Variants in RALGPS1 observed in about 807,000 individuals in gnomAD.
RALGPS1 encodes the protein Ral GEF with PH domain and SH3 binding motif 1, also known as ras-specific guanine nucleotide-releasing factor RalGPS1.
Under a neutral mutation model 78.8 loss-of-function variants are expected in RALGPS1, and 19 were observed. That is an observed-to-expected ratio of 0.24 (90% confidence interval 0.17 to 0.35). The LOEUF is 0.35. Among genes scored for constraint, RALGPS1 ranks in the 10% least tolerant of loss-of-function variants. The probability of loss-of-function intolerance (pLI) is 1.00; values close to 1 mark genes in which losing one functional copy is unlikely to be tolerated. For missense variants in RALGPS1, 454 were observed against 688.3 expected (o/e 0.66, Z 3.81); for synonymous variants, 228 against 256.3 (o/e 0.89, Z 1.06).
chr9:127,089,245 A>G (rs975489672), intron 8 of RALGPS1: 20 of 1,221,916 alleles, frequency 1.6e-5, no homozygotes, highest in Middle Eastern at 2.7e-4. Flanking sequence ...CATCTGGAGC[A>G]AGAACGCTTG....
Position 127,204,595 on chromosome 9 carries a change from G to A in RALGPS1, c.1247+5529G>A, listed in dbSNP as rs189679715. On this transcript the variant is annotated intron_variant, in intron 14 of 18. Coordinates refer to ENST00000259351, the MANE Select transcript of RALGPS1 (RefSeq NM_014636.3). ...TTCTACCAGCACCTGCTGGCCTCCA[G>A]GATGACACTGGACTGTGGGAGGGCC... Among the ~76,000 whole-genome samples the A allele has an allele frequency of 6.5e-4, 99 of 152,334 alleles. No individual in the cohort carries two copies. The Middle Eastern group carries it at 0.01, about 16-fold the overall frequency.
At chr9:127,180,181 G>A (rs2060128122) in intron 11 of RALGPS1, among the ~76,000 whole-genome samples, 2 of 152,216 alleles carry the variant, frequency 1.3e-5, no homozygotes, top group African/African-American at 4.8e-5. Flanking sequence ...TTGACCCCCA[G>A]AGAGGGCAAG....
At chr9:126,968,587 T>C (rs2039767436) in intron 3 of RALGPS1, among the ~76,000 whole-genome samples, 1 of 152,198 alleles carries the variant, frequency 6.6e-6, no homozygotes, top group Non-Finnish European at 1.5e-5. Context: ...TTAGGTATAA[T>C]TATTATTCCC....
At chr9:126,936,055 C>G (rs143204323) in intron 1 of RALGPS1, among the ~76,000 whole-genome samples, 128 of 152,330 alleles carry the variant, frequency 8.4e-4, no homozygotes, top group Middle Eastern at 6.8e-3. Context: ...GAATCTGTTT[C>G]CATTCCTCTT....
rs545342477 is a variant in RALGPS1, at chr9:126,986,269, C to T, written c.216+8524C>T. ...ATAACTGCCCTGTCCCCTGGTGACT[C>T]TAACGAGTGACCAAGTTTATCAAAA... On this transcript the variant is annotated intron_variant, in intron 4 of 18. Transcript: ENST00000259351. 4.6e-5 allele frequency among the ~76,000 whole-genome samples: 7 copies of T among 152,290 alleles called. No homozygotes were observed. The South Asian group carries it at 1.5e-3, about 32-fold the overall frequency.
At chr9:127,199,681 C>T (rs2061526350) in intron 14 of RALGPS1, among the ~76,000 whole-genome samples, 1 of 152,148 alleles carries the variant, frequency 6.6e-6, no homozygotes, top group Non-Finnish European at 1.5e-5. Context: ...ATTCCCATCG[C>T]ACAGCTCCAC....
At chr9:126,979,135 C>T (rs890012041) in intron 4 of RALGPS1, among the ~76,000 whole-genome samples, 3 of 152,114 alleles carry the variant, frequency 2.0e-5, no homozygotes, top group Admixed American at 6.5e-5. Flanking sequence ...TCAAGCCTTC[C>T]GAGAGCTGGC....
chr9:127,062,188 C>T (rs996261450), intron 7 of RALGPS1, among the ~76,000 whole-genome samples: 1 of 152,106 alleles, frequency 6.6e-6, no homozygotes, highest in Non-Finnish European at 1.5e-5. Context: ...AGCTCCGCCT[C>T]CCAGGTTCAC....
chr9:127,108,514 G>A (rs751341938), intron 8 of RALGPS1: 1 of 1,612,930 alleles, frequency 6.2e-7, no homozygotes, highest in South Asian at 1.1e-5. Context: ...AGGCTCCTTG[G>A]AGTTGACGCA....
rs1161162957 is a variant in RALGPS1, at chr9:127,166,173, A to C, written c.715A>C (p.Ile239Leu). The change falls in exon 9 of 19, where the codon ATA becomes CTA. Residue 239 changes from isoleucine to leucine, a missense_variant. Physicochemically the swap from Ile to Leu is conservative, Grantham distance 5 (BLOSUM62 2). Coordinates refer to ENST00000259351, the MANE Select transcript of RALGPS1 (RefSeq NM_014636.3). The part of the protein sequence containing the change: ...RSNQMNNILR[I>L]IADLQVSCSY... ...CAATCAGATGAACAATATTCTTCGA[A>C]TAATTGCTGATTTACAAGTTTCCTG... 6.2e-7 allele frequency: 1 copy of C among 1,613,642 alleles called. No individual in the cohort carries two copies. The highest frequency in any genetic ancestry group is 1.3e-5 in the African/African-American group (1 of 74,902).
chr9:127,058,376 T>G (rs2048920987), intron 7 of RALGPS1, among the ~76,000 whole-genome samples: 1 of 152,174 alleles, frequency 6.6e-6, no homozygotes, highest in African/African-American at 2.4e-5. Flanking sequence ...CTGTTGCTAC[T>G]GTGTGGAAAA....
At chr9:127,092,131 T>C (rs2052562688) in intron 8 of RALGPS1, among the ~76,000 whole-genome samples, 1 of 152,168 alleles carries the variant, frequency 6.6e-6, no homozygotes, top group African/African-American at 2.4e-5. Flanking sequence ...ATATGTAGAG[T>C]GCCTACCCTG....
chr9:127,116,618 G>C (rs893667611), intron 8 of RALGPS1, among the ~76,000 whole-genome samples: 2 of 152,194 alleles, frequency 1.3e-5, no homozygotes, highest in African/African-American at 4.8e-5. Flanking sequence ...TCAAGGGCTG[G>C]GTGGACAGCA....
intron 11 of RALGPS1, among the ~76,000 whole-genome samples, chr9:127,182,434 CTT>C (rs758462743): frequency 3.1e-4 from 35 of 114,730 alleles, no homozygotes; most frequent in Non-Finnish European, 3.0e-4. Flanking sequence ...TCCTTCCTTC[CTT>C]TTTTTTTTTT....
chr9:127,050,595 G>A (rs560078657), intron 6 of RALGPS1, among the ~76,000 whole-genome samples: 175 of 152,180 alleles, frequency 1.1e-3, no homozygotes, highest in Non-Finnish European at 2.1e-3. Context: ...CTGAGCTTCA[G>A]GTCTGGGCCA....
At chr9:127,198,612 C>T (rs1161281237) in intron 13 of RALGPS1, among the ~76,000 whole-genome samples, 1 of 152,190 alleles carries the variant, frequency 6.6e-6, no homozygotes, top group Non-Finnish European at 1.5e-5. Flanking sequence ...TAGTCAAGTC[C>T]TGACCCTTGG....
intron 1 of RALGPS1, among the ~76,000 whole-genome samples, chr9:126,921,038 A>G (rs1162121506): frequency 6.6e-6 from 1 of 152,218 alleles, no homozygotes; most frequent in Non-Finnish European, 1.5e-5. Context: ...TTTCAGTGAA[A>G]TAATGCAGTG....
chr9:127,017,543 A>G (rs2044971099), intron 4 of RALGPS1, among the ~76,000 whole-genome samples: 1 of 152,174 alleles, frequency 6.6e-6, no homozygotes, highest in African/African-American at 2.4e-5. Context: ...TATAAATGCT[A>G]TATATGTGGG....
At chr9:127,192,875 G>C (rs1277960532) in intron 11 of RALGPS1, among the ~76,000 whole-genome samples, 1 of 152,204 alleles carries the variant, frequency 6.6e-6, no homozygotes, top group Non-Finnish European at 1.5e-5. Context: ...GCCAAGGAAG[G>C]AGGGCATTTT....
Sources: gnomAD v4.1 joint callset for allele counts (sites outside exome capture counted in the v4.1 genomes callset) on GRCh38, gnomAD v4.1.1 for gene constraint, MANE v1.5 for transcripts, NCBI Gene and HGNC (gene_info 2026-07-23, HGNC 2026-07-21) for gene names.